DMD: variants seen among roughly 807,000 people sequenced by gnomAD.
The protein encoded by DMD is dystrophin.
DMD carries 63 observed loss-of-function variants against 330.1 expected under a neutral mutation model. The observed-to-expected ratio is 0.19, with a 90% CI of 0.16 to 0.24. DMD has a LOEUF of 0.24. DMD is among the 10% of genes least tolerant of loss of function. The probability of loss-of-function intolerance (pLI) is 1.00; values close to 1 mark genes in which losing one functional copy is unlikely to be tolerated. For missense variants in DMD, 3,344 were observed against 2,684.1 expected, an observed-to-expected ratio of 1.25 and a Z score of -5.43; for synonymous variants, 1,223 against 959.8, an observed-to-expected ratio of 1.27 and a Z score of -5.07.
chrX:31,829,462 AT>A (rs200083654), intron 49 of DMD, among the ~76,000 whole-genome samples: 13,164 of 108,388 alleles, frequency 0.12, 622 homozygotes, highest in South Asian at 0.17. Context: ...ATAAAAAAAA[AT>A]TTTTTAATTA....
At chrX:31,696,879 C>T (rs1484358123) in intron 52 of DMD, among the ~76,000 whole-genome samples, 1 of 112,122 alleles carries the variant, frequency 8.9e-6, no homozygotes, top group Non-Finnish European at 1.9e-5. Context: ...TCAGCACATA[C>T]AGACGAATCA....
At chrX:31,465,401 T>C (rs1207248145) in intron 59 of DMD, among the ~76,000 whole-genome samples, 1 of 110,519 alleles carries the variant, frequency 9.0e-6, no homozygotes, top group Non-Finnish European at 1.9e-5. Context: ...TTCCCGTCCC[T>C]GTGTCCATGG....
intron 47 of DMD, among the ~76,000 whole-genome samples, chrX:31,896,147 TA>T (rs1185302177): frequency 9.1e-6 from 1 of 109,786 alleles, no homozygotes; most frequent in Non-Finnish European, 1.9e-5. Context: ...AATGATCTTT[TA>T]AATTTTACAG....
chrX:33,239,815 C>T (rs1204371912), intron 1 of DMD, among the ~76,000 whole-genome samples: 1 of 111,347 alleles, frequency 9.0e-6, no homozygotes, highest in African/African-American at 3.3e-5. Flanking sequence ...TCCAAAAATA[C>T]ACACTCTGAA....
chrX:31,370,672 C>T (rs1368341277), intron 60 of DMD, among the ~76,000 whole-genome samples: 1 of 112,187 alleles, frequency 8.9e-6, no homozygotes, highest in Non-Finnish European at 1.9e-5. Flanking sequence ...CTAACAATTG[C>T]ACTCTTCAGC....
rs755379793 is a variant in DMD, at chrX:32,910,546, T to C, written c.94-60726A>G. The stretch of plus-strand genomic sequence containing the variant: ...CAATTCTCCTGCCAAGCGATTCTCC[T>C]GCCTCAGCCTCCTGAGTAGCTGGGA... On this transcript the variant is annotated intron_variant, in intron 2 of 78. Transcript: ENST00000357033. Among the ~76,000 whole-genome samples, 107 of 111,257 alleles carry C rather than the reference T, an allele frequency of 9.6e-4. 1 individual carries two copies. The Middle Eastern group carries it at 0.014, about 15-fold the overall frequency.
chrX:32,335,697 T>A (rs981999117), intron 41 of DMD, among the ~76,000 whole-genome samples: 1 of 108,485 alleles, frequency 9.2e-6, no homozygotes, highest in Non-Finnish European at 1.9e-5. Flanking sequence ...TATAACATGT[T>A]ATATACATAA....
chrX:31,293,163 G>GGTGT lies in DMD; in HGVS notation c.9224+30431_9224+30434dup, dbSNP rs762778210. ...CTCTCTCTCACCACTCCCCCAACCCGGTGTGTGTGTGTGTGTGTGTGTGTG... is the reference window on the plus strand; with the variant it reads ...CTCTCTCTCACCACTCCCCCAACCCGGTGTGTGTGTGTGTGTGTGTGTGTGTGTG... On this transcript the variant is annotated intron_variant, in intron 62 of 78. Transcript: ENST00000357033. 8.4e-4 allele frequency among the ~76,000 whole-genome samples: 59 copies of GGTGT among 70,549 alleles called. 2 individuals carry two copies. The highest frequency in any genetic ancestry group is 9.9e-4 in the Non-Finnish European group (41 of 41,317). 61.3% of individuals were successfully genotyped at this position (70,549 alleles called of 115,157 possible).
chrX:32,066,077 G>A (rs757159271), intron 44 of DMD, among the ~76,000 whole-genome samples: 2 of 111,271 alleles, frequency 1.8e-5, no homozygotes, highest in Non-Finnish European at 3.8e-5. Flanking sequence ...CTCTTCACAG[G>A]TGTACTTTGA....
intron 47 of DMD, among the ~76,000 whole-genome samples, chrX:31,898,046 G>C (rs1159164752): frequency 3.6e-5 from 4 of 110,678 alleles, no homozygotes; most frequent in African/African-American, 6.6e-5. Flanking sequence ...AAATGCCTAG[G>C]AATCCAACTT....
At chrX:32,839,178 T>C (rs950735263) in intron 4 of DMD, among the ~76,000 whole-genome samples, 4 of 110,873 alleles carry the variant, frequency 3.6e-5, no homozygotes, top group African/African-American at 1.3e-4. Context: ...TCTGCTCCCC[T>C]ATCTCTGCTA....
chrX:31,135,997 C>CTT (rs60520155), intron 76 of DMD, among the ~76,000 whole-genome samples: 1,886 of 102,768 alleles, frequency 0.018, 72 homozygotes, highest in East Asian at 0.15. Flanking sequence ...GCATTTATTC[C>CTT]TTTTTTTTTT....
chrX:31,696,689 T>A (rs973619613), intron 52 of DMD, among the ~76,000 whole-genome samples: 6 of 112,435 alleles, frequency 5.3e-5, no homozygotes, highest in Non-Finnish European at 9.4e-5. Flanking sequence ...TTTGGACAAT[T>A]CATCTTTTTT....
chrX:31,831,755 A>T (rs368352699), intron 49 of DMD, among the ~76,000 whole-genome samples: 51 of 110,424 alleles, frequency 4.6e-4, no homozygotes, highest in African/African-American at 1.0e-3. Flanking sequence ...CCTGCCACCA[A>T]GCCCGGCTAA....
intron 20 of DMD, among the ~76,000 whole-genome samples, chrX:32,490,251 G>A (rs900856460): frequency 1.8e-5 from 2 of 111,571 alleles, no homozygotes; most frequent in Non-Finnish European, 3.8e-5. Context: ...CGTTCATCCT[G>A]GAAACGTTTT....
chrX:31,590,250 A>G (rs2076807495), intron 55 of DMD, among the ~76,000 whole-genome samples: 1 of 110,991 alleles, frequency 9.0e-6, no homozygotes, highest in Non-Finnish European at 1.9e-5. Context: ...TATTTTGCTG[A>G]TTCACAATTC....
chrX:33,290,497 C>T (rs1230992142), intron 1 of DMD, among the ~76,000 whole-genome samples: 1 of 111,509 alleles, frequency 9.0e-6, no homozygotes, highest in Non-Finnish European at 1.9e-5. Flanking sequence ...TCCCTGTTTA[C>T]ATATCTCCCC....
intron 6 of DMD, among the ~76,000 whole-genome samples, chrX:32,810,091 C>A (rs2077262386): frequency 9.0e-6 from 1 of 110,510 alleles, no homozygotes. Flanking sequence ...CCACTGTACT[C>A]TAGCCTGGGC....
intron 2 of DMD, among the ~76,000 whole-genome samples, chrX:32,903,251 A>G (rs1341235437): frequency 3.7e-5 from 4 of 106,732 alleles, no homozygotes; most frequent in African/African-American, 1.5e-4. Context: ...AGAGGGGAAG[A>G]CTGGTATGTG....
Sources: allele counts gnomAD v4.1 joint callset (sites outside exome capture counted in the v4.1 genomes callset), GRCh38; gene constraint gnomAD v4.1.1; transcripts MANE v1.5; gene names NCBI Gene and HGNC (gene_info 2026-07-23, HGNC 2026-07-21).